The following CTNNA3 variants were observed in gnomAD, a reference collection of about 807,000 sequenced individuals.
CTNNA3 encodes the protein catenin alpha-3.
CTNNA3 carries 76 observed loss-of-function variants against 95.7 expected under a neutral mutation model. That is an observed-to-expected ratio of 0.79 (90% CI 0.66 to 0.96). The LOEUF (loss-of-function observed/expected upper bound fraction) is 0.96, where lower values mean the gene tolerates loss of function less well. Ranked by LOEUF, CTNNA3 falls within the 40% of genes least tolerant of loss-of-function variation. The pLI is 0.00. For missense variants in CTNNA3, 1,191 were observed against 1,089.8 expected, an observed-to-expected ratio of 1.09 and a Z score of -1.31; for synonymous variants, 431 against 374.4, an observed-to-expected ratio of 1.15 and a Z score of -1.74.
intron 12 of CTNNA3, among the ~76,000 whole-genome samples, chr10:66,310,940 G>A (rs1039922943): frequency 1.3e-5 from 2 of 152,076 alleles, no homozygotes; most frequent in African/African-American, 4.8e-5. Context: ...ACCCGCCTTG[G>A]CCTCCCAAAG....
chr10:66,685,209 A>ATATATATGTGTATATATATACG (rs1847218606), intron 9 of CTNNA3, among the ~76,000 whole-genome samples: 6 of 36,338 alleles, frequency 1.7e-4, no homozygotes, highest in African/African-American at 5.1e-4. Context: ...ATATATACGT[A>ATATATATGTGTATATATATACG]TATATATGTG....
intron 6 of CTNNA3, among the ~76,000 whole-genome samples, chr10:67,214,995 T>C (rs1864291597): frequency 1.3e-5 from 2 of 152,082 alleles, no homozygotes; most frequent in South Asian, 4.1e-4. Context: ...TTCTAGGAAA[T>C]TCTCATTATC....
intron 2 of CTNNA3, among the ~76,000 whole-genome samples, chr10:67,642,409 G>A (rs565994684): frequency 3.5e-4 from 54 of 152,202 alleles, no homozygotes; most frequent in South Asian, 6.2e-4. Flanking sequence ...CATACATGCG[G>A]CCAATAAACA....
chr10:66,516,944 C>T (rs954479782), intron 11 of CTNNA3, among the ~76,000 whole-genome samples: 23 of 152,060 alleles, frequency 1.5e-4, no homozygotes, highest in African/African-American at 3.1e-4. Context: ...TGAACTGGGC[C>T]GGGCAAGGTG....
chr10:66,524,862 C>T (rs2132032297), intron 10 of CTNNA3, among the ~76,000 whole-genome samples: 1 of 152,138 alleles, frequency 6.6e-6, no homozygotes, highest in African/African-American at 2.4e-5. Context: ...CCAGACTGAC[C>T]AATATGGAGA....
At chr10:66,393,880 A>G (rs1253830010) in intron 11 of CTNNA3, among the ~76,000 whole-genome samples, 1 of 152,044 alleles carries the variant, frequency 6.6e-6, no homozygotes, top group East Asian at 1.9e-4. Flanking sequence ...GTCATAACTC[A>G]AAATCAAGGT....
chr10:65,996,557 A>C (rs1466354047), intron 15 of CTNNA3, among the ~76,000 whole-genome samples: 1 of 152,124 alleles, frequency 6.6e-6, no homozygotes, highest in Non-Finnish European at 1.5e-5. Flanking sequence ...ACTGTGCTAC[A>C]ACTGCTTAGG....
chr10:66,636,500 C>T (rs1050582796), intron 9 of CTNNA3, among the ~76,000 whole-genome samples: 1 of 151,964 alleles, frequency 6.6e-6, no homozygotes, highest in African/African-American at 2.4e-5. Context: ...TACTAACCTT[C>T]CATAATTAGA....
intron 11 of CTNNA3, among the ~76,000 whole-genome samples, chr10:66,486,840 C>CACACAA (rs1565009962): frequency 1.3e-5 from 2 of 151,756 alleles, no homozygotes; most frequent in African/African-American, 4.9e-5. Context: ...CACACACACA[C>CACACAA]ACACACAAAA....
intron 5 of CTNNA3, among the ~76,000 whole-genome samples, chr10:67,222,287 C>G (rs78952665): frequency 1.3e-5 from 2 of 152,164 alleles, no homozygotes; most frequent in African/African-American, 4.8e-5. Flanking sequence ...AGAAAAGACA[C>G]TATGGTTTTC....
At chr10:66,120,117 C>G (rs1202080893) in intron 13 of CTNNA3, among the ~76,000 whole-genome samples, 1 of 152,072 alleles carries the variant, frequency 6.6e-6, no homozygotes, top group East Asian at 1.9e-4. Flanking sequence ...TCTTCCTTCT[C>G]TTTTTTCTTT....
intron 7 of CTNNA3, among the ~76,000 whole-genome samples, chr10:66,866,385 T>G (rs547060108): frequency 6.6e-6 from 1 of 152,358 alleles, no homozygotes; most frequent in South Asian, 2.1e-4. Flanking sequence ...GAGCTTAGAA[T>G]GTTGCCTACG....
intron 11 of CTNNA3, among the ~76,000 whole-genome samples, chr10:66,447,362 G>A (rs1207184109): frequency 9.8e-5 from 14 of 143,176 alleles, no homozygotes; most frequent in South Asian, 7.2e-4. Context: ...AGCCCGCATC[G>A]CCAAGTCAAT....
chr10:67,705,524 A>G (rs1465922876), intron 1 of CTNNA3, among the ~76,000 whole-genome samples: 5 of 150,052 alleles, frequency 3.3e-5, no homozygotes. Flanking sequence ...AAACTATCGC[A>G]AGAACAAAAA....
intron 9 of CTNNA3, among the ~76,000 whole-genome samples, chr10:66,732,874 C>T (rs1849006684): frequency 6.6e-6 from 1 of 152,134 alleles, no homozygotes; most frequent in African/African-American, 2.4e-5. Flanking sequence ...CAGCTCACTG[C>T]AACCTCCACC....
At chr10:66,620,637 G>A (rs1290575729) in intron 10 of CTNNA3, among the ~76,000 whole-genome samples, 1 of 152,130 alleles carries the variant, frequency 6.6e-6, no homozygotes, top group Non-Finnish European at 1.5e-5. Flanking sequence ...GCAGTATTCT[G>A]TTCCCTCTGG....
intron 3 of CTNNA3, among the ~76,000 whole-genome samples, chr10:67,548,051 AG>A (rs1199600606): frequency 6.6e-6 from 1 of 152,132 alleles, no homozygotes; most frequent in Non-Finnish European, 1.5e-5. Flanking sequence ...CCAGTGTTGG[AG>A]GTGGGACCCA....
At chr10:66,653,750 C>T (rs989386578) in intron 9 of CTNNA3, among the ~76,000 whole-genome samples, 24 of 151,986 alleles carry the variant, frequency 1.6e-4, no homozygotes, top group African/African-American at 5.6e-4. Context: ...GGCATAAAAA[C>T]GTACACAAAG....
At chr10:65,938,448 C>T (rs2077376993) in intron 17 of CTNNA3, among the ~76,000 whole-genome samples, 1 of 152,134 alleles carries the variant, frequency 6.6e-6, no homozygotes, top group Admixed American at 6.5e-5. Context: ...TTTGTCACAT[C>T]TATAACCTTG....
Sources: gnomAD v4.1 joint callset for allele counts (sites outside exome capture counted in the v4.1 genomes callset) on GRCh38, gnomAD v4.1.1 for gene constraint, MANE v1.5 for transcripts, NCBI Gene and HGNC (gene_info 2026-07-23, HGNC 2026-07-21) for gene names.